The following COL28A1 variants were observed in gnomAD, a reference collection of about 807,000 sequenced individuals.
The protein encoded by COL28A1 is collagen alpha-1(XXVIII) chain.
Under a neutral mutation model 150.2 loss-of-function variants are expected in COL28A1, and 161 were observed. The observed-to-expected ratio is 1.07, with a 90% CI of 0.94 to 1.22. The LOEUF (loss-of-function observed/expected upper bound fraction) is 1.22. Ranked by LOEUF, COL28A1 falls within the 50% of genes most tolerant of loss-of-function variation. The pLI, the probability that COL28A1 is intolerant of heterozygous loss-of-function variation, is 0.00. For missense variants in COL28A1, 1,617 were observed against 1,388.3 expected (o/e 1.16, Z -2.62); for synonymous variants, 552 against 469.7 (o/e 1.18, Z -2.26).
rs903255153 is a variant in COL28A1 at position 7,373,875 on chromosome 7, A to G, written c.2360-329T>C. Among the ~76,000 whole-genome samples, 1 of 150,714 alleles carries G rather than the reference A, an allele frequency of 6.6e-6. No homozygotes were observed. Among genetic ancestry groups the G allele is most frequent in the Non-Finnish European group, 1.5e-5 (1 of 67,680 alleles). The stretch of plus-strand genomic sequence containing the variant: ...CCACCTCGCCTGGCTAATTTTTTGT[A>G]TTTTTAGTAGAGACAGGGTTTCACC... On this transcript the variant is annotated intron_variant, in intron 31 of 34. Coordinates refer to ENST00000399429, the MANE Select transcript of COL28A1 (RefSeq NM_001037763.3). This position sits in a 1 kb window ranked among gnomAD's most constrained non-coding sequence, Gnocchi z 4.1.
Position 7,358,421 on chromosome 7 carries a change from GACAA to G in COL28A1, c.*208_*211del. The G allele has an allele frequency of 2.2e-6, 1 of 454,654 alleles. No individual in the cohort carries two copies. Among genetic ancestry groups the G allele is most frequent in the South Asian group, 4.0e-5 (1 of 24,834 alleles). The allele number at this position is 454,654 out of a possible 1,614,324, so 28.2% of individuals were successfully genotyped here. A position where few individuals can be genotyped will look rare whatever the true frequency, so the allele number is the denominator to read the frequency against. ...GAAACTTTTTAGTTGGGTGACAGTT[GACAA>G]GTTACTAAACTTCTCAGAGCCTCAG... On this transcript the variant is annotated 3_prime_UTR_variant, in exon 35 of 35. Transcript: ENST00000399429.
intron 27 of COL28A1, among the ~76,000 whole-genome samples, chr7:7,409,969 T>A (rs1212457057): frequency 1.3e-5 from 2 of 152,056 alleles, no homozygotes; most frequent in Non-Finnish European, 2.9e-5. Flanking sequence ...AAAAGGAAAA[T>A]TTAATAAGGA....
chr7:7,433,153 C>A (rs1334762160), intron 23 of COL28A1, among the ~76,000 whole-genome samples: 1 of 152,044 alleles, frequency 6.6e-6, no homozygotes, highest in Non-Finnish European at 1.5e-5. Flanking sequence ...ACAGTGATGA[C>A]CTTAGGCATC....
intron 11 of COL28A1, among the ~76,000 whole-genome samples, chr7:7,490,975 A>T (rs574175932): frequency 7.5e-4 from 115 of 152,338 alleles, no homozygotes; most frequent in Non-Finnish European, 1.3e-3. Context: ...CATAAATATA[A>T]TTTTTTAATG....
At chr7:7,428,197 A>G (rs1250669456) in intron 25 of COL28A1, among the ~76,000 whole-genome samples, 1 of 152,176 alleles carries the variant, frequency 6.6e-6, no homozygotes, top group Admixed American at 6.5e-5. Context: ...CTGCCAACAG[A>G]CTTATGCCAA....
chr7:7,360,853 G>A (rs544995412), intron 33 of COL28A1, among the ~76,000 whole-genome samples: 49 of 152,314 alleles, frequency 3.2e-4, no homozygotes, highest in African/African-American at 1.1e-3. Flanking sequence ...TGTGAAAGAT[G>A]CAAAGTTGAG....
chr7:7,533,217 C>A (rs956593007), intron 1 of COL28A1, among the ~76,000 whole-genome samples: 1 of 152,118 alleles, frequency 6.6e-6, no homozygotes, highest in Non-Finnish European at 1.5e-5. Context: ...ACATTTCAAT[C>A]CCGCTCTATA....
At chr7:7,349,946 T>C in the COL28A1 span, among the ~76,000 whole-genome samples, 58 of 152,122 alleles carry the variant, frequency 3.8e-4, no homozygotes, top group East Asian at 9.7e-3. Context: ...TGTAGCTGAA[T>C]TGAAGAACAA....
At position 7,521,949 on chromosome 7, in the gene COL28A1, T is replaced by C. The variant is rs10486180; in HGVS notation, c.715A>G (p.Ile239Val). The C allele has an allele frequency of 0.055, 60,408 of 1,105,790 alleles. 2,051 individuals are homozygous for C. The highest frequency in any genetic ancestry group is 0.066 in the Non-Finnish European group (47,360 of 715,010). 68.5% of individuals were successfully genotyped at this position (1,105,790 alleles called of 1,614,324 possible). Residue 239 changes from isoleucine to valine, a missense_variant, in exon 5 of 35, where the codon ATT becomes GTT. Transcript: ENST00000399429. ...ILFEKKCERK[I>V]CECEKGDPGD... ...GGATCTCCCTTCTCACATTCACAAA[T>C]CTTGCGTTCACACTGAATCAATAAT...
At position 7,462,105 on chromosome 7, in the gene COL28A1, A is replaced by G. The variant is rs12666106; in HGVS notation, c.1303-5993T>C. On this transcript the variant is annotated intron_variant, in intron 15 of 34. Transcript: ENST00000399429. ...GCCTGGAGCCCGGTAGACTTGCTGG[A>G]TGGCTAGATCCAGAAGAGAGATAAC... Among the ~76,000 whole-genome samples the G allele has an allele frequency of 4.6e-3, 707 of 152,292 alleles. 5 individuals are homozygous for G. The highest frequency in any genetic ancestry group is 0.022 in the East Asian group (114 of 5,176).
rs370879237 is a variant in COL28A1, at chr7:7,436,459, T to C, written c.1796A>G (p.Asp599Gly). The change falls in exon 23 of 35, where the codon GAT (aspartate) becomes GGT (glycine). Residue 599 changes from aspartate to glycine, a missense_variant. Asp to Gly is a moderately conservative substitution (Grantham distance 94). Coordinates refer to ENST00000399429, the MANE Select transcript of COL28A1 (RefSeq NM_001037763.3). The part of the protein sequence containing the change: ...SIPGPPGPKG[D>G]RGGPGIPGFK... ...TCCAGGTATCCCAGGTCCTCCTCTA[T>C]CTCCCTGTACATTTCAAATAACATT... 2.3e-5 allele frequency: 30 copies of C among 1,328,268 alleles called. No individual in the cohort carries two copies. In the South Asian group the frequency reaches 3.0e-4, roughly 13 times the overall value. The allele number at this position is 1,328,268 out of a possible 1,614,324, so 82.3% of individuals were successfully genotyped here. A position where few individuals can be genotyped will look rare whatever the true frequency, so the allele number is the denominator to read the frequency against.
intron 27 of COL28A1, among the ~76,000 whole-genome samples, chr7:7,404,087 G>A (rs1380137988): frequency 6.6e-6 from 1 of 151,850 alleles, no homozygotes; most frequent in Non-Finnish European, 1.5e-5. Flanking sequence ...TCTTTTATTA[G>A]ACCGATCAGG....
intron 23 of COL28A1, among the ~76,000 whole-genome samples, chr7:7,433,985 C>T (rs1785169193): frequency 6.6e-6 from 1 of 152,102 alleles, no homozygotes; most frequent in African/African-American, 2.4e-5. Context: ...TGCCCAAAGT[C>T]CAACTCTCAA....
At chr7:7,511,717 G>A (rs1305642416) in intron 8 of COL28A1, 10 of 470,278 alleles carry the variant, frequency 2.1e-5, no homozygotes, top group Admixed American at 4.7e-5. Flanking sequence ...AGATTGCATC[G>A]TGAGTTAGTG....
rs536833114 is a variant in COL28A1 at position 7,401,853 on chromosome 7, C to T, written c.2136+16006G>A. Among the ~76,000 whole-genome samples, 10 of 152,296 alleles carry T rather than the reference C, an allele frequency of 6.6e-5. No individual in the cohort carries two copies. In the South Asian group the frequency reaches 1.9e-3, roughly 28 times the overall value. ...CTTATATCACAATGCTCACTGCATTCCAAATTGTCACTGACGTTCCTCAAA... is the reference window on the plus strand; with the variant it reads ...CTTATATCACAATGCTCACTGCATTTCAAATTGTCACTGACGTTCCTCAAA... On this transcript the variant is annotated intron_variant, in intron 27 of 34. Transcript: ENST00000399429.
At chr7:7,403,741 G>A (rs1783347170) in intron 27 of COL28A1, among the ~76,000 whole-genome samples, 1 of 152,046 alleles carries the variant, frequency 6.6e-6, no homozygotes, top group African/African-American at 2.4e-5. Flanking sequence ...ATTCATCTAG[G>A]GACAGGATTG....
At chr7:7,418,205 C>A (rs1031691500) in intron 26 of COL28A1, among the ~76,000 whole-genome samples, 1 of 152,234 alleles carries the variant, frequency 6.6e-6, no homozygotes, top group Non-Finnish European at 1.5e-5. Flanking sequence ...GCCTCATCTG[C>A]TTGGGCCCCC....
intron 4 of COL28A1, 85 bp downstream of exon 4, chr7:7,524,144 T>G: frequency 1.2e-6 from 1 of 827,004 alleles, no homozygotes. Context: ...TAGTCACACT[T>G]AATCTTCTAA....
chr7:7,471,171 A>G (rs1470627092), intron 15 of COL28A1, among the ~76,000 whole-genome samples: 1 of 151,020 alleles, frequency 6.6e-6, no homozygotes, highest in Non-Finnish European at 1.5e-5. Context: ...CCTAGCTTAA[A>G]TCAGGAAGAA....
Sources: gnomAD v4.1 joint callset for allele counts (sites outside exome capture counted in the v4.1 genomes callset) on GRCh38, gnomAD v4.1.1 for gene constraint, Gnocchi (gnomAD v3.1) non-coding constraint, MANE v1.5 for transcripts, NCBI Gene and HGNC (gene_info 2026-07-23, HGNC 2026-07-21) for gene names.